PRKN: variants seen among roughly 807,000 people sequenced by gnomAD.
PRKN encodes the protein parkin RBR E3 ubiquitin protein ligase, also known as E3 ubiquitin-protein ligase parkin.
A neutral mutation model predicts 59.5 loss-of-function variants in PRKN; 56 were observed. The observed-to-expected ratio is 0.94, with a 90% CI of 0.76 to 1.18. The LOEUF is 1.18. PRKN is among the 50% of genes most tolerant of loss of function. The pLI, the probability that PRKN is intolerant of heterozygous loss-of-function variation, is 0.00. For missense variants in PRKN, 657 were observed against 596.4 expected (o/e 1.10, Z -1.06); for synonymous variants, 250 against 222.1 (o/e 1.13, Z -1.12).
intron 1 of PRKN, among the ~76,000 whole-genome samples, chr6:162,577,246 T>C (rs966242611): frequency 1.4e-5 from 2 of 144,480 alleles, no homozygotes; most frequent in African/African-American, 4.9e-5. Context: ...TGATCAATAA[T>C]AGGAAAAAAA....
chr6:161,562,487 C>T lies in PRKN; in HGVS notation c.933+6868G>A, dbSNP rs1475595905. ...CCTTTCTTGGCTTCTTCTGAGAATC[C>T]CCATGGGTTTAAAATTTCCTCTACA... is the stretch of plus-strand genomic sequence containing the variant. On this transcript the variant is annotated intron_variant, in intron 8 of 11. Coordinates refer to ENST00000366898, the MANE Select transcript of PRKN (RefSeq NM_004562.3). This position sits in a 1 kb window ranked among gnomAD's most constrained non-coding sequence, Gnocchi z 4.3. Among the ~76,000 whole-genome samples, 1 of 152,152 alleles carries T rather than the reference C, an allele frequency of 6.6e-6. No homozygotes were observed. The highest frequency in any genetic ancestry group is 1.5e-5 in the Non-Finnish European group (1 of 68,016).
At chr6:162,492,095 T>C (rs1792843405) in intron 1 of PRKN, among the ~76,000 whole-genome samples, 1 of 152,160 alleles carries the variant, frequency 6.6e-6, no homozygotes. Context: ...GCCCCAAGTC[T>C]GAAGTTCTTT....
At chr6:161,700,088 C>A (rs1316672727) in intron 7 of PRKN, among the ~76,000 whole-genome samples, 2 of 151,840 alleles carry the variant, frequency 1.3e-5, no homozygotes, top group Non-Finnish European at 2.9e-5. Context: ...CTACTAGATG[C>A]CATCTAGTAG....
chr6:162,258,313 A>T (rs1359278903), intron 3 of PRKN, among the ~76,000 whole-genome samples: 2 of 152,194 alleles, frequency 1.3e-5, no homozygotes, highest in African/African-American at 4.8e-5. Flanking sequence ...CTTGGCACAG[A>T]GTAAGGACTC....
chr6:162,642,920 T>C (rs1778017313), intron 1 of PRKN, among the ~76,000 whole-genome samples: 1 of 152,126 alleles, frequency 6.6e-6, no homozygotes, highest in Admixed American at 6.5e-5. Context: ...ACTGAATTCA[T>C]TGTAAGACAT....
At position 161,869,452 on chromosome 6, in the gene PRKN, G is replaced by T. The variant is rs1175114309; in HGVS notation, c.735-83544C>A. ...TCAACCCATACACATGCTTTTAAGAGCCCTGTGCTATGTTTTGAGCTGATA... is the reference window on the plus strand; with the variant it reads ...TCAACCCATACACATGCTTTTAAGATCCCTGTGCTATGTTTTGAGCTGATA... On this transcript the variant is annotated intron_variant, in intron 6 of 11. Transcript: ENST00000366898. 2.6e-5 allele frequency among the ~76,000 whole-genome samples: 4 copies of T among 152,134 alleles called. No individual in the cohort carries two copies. The South Asian group carries it at 6.2e-4, about 24-fold the overall frequency.
At chr6:161,432,653 A>AT (rs1181199308) in intron 9 of PRKN, among the ~76,000 whole-genome samples, 1 of 150,170 alleles carries the variant, frequency 6.7e-6, no homozygotes, top group East Asian at 2.0e-4. Context: ...AAGTGCTGGG[A>AT]TTACAGACAT....
intron 4 of PRKN, among the ~76,000 whole-genome samples, chr6:162,054,634 G>C (rs1233405404): frequency 6.6e-6 from 1 of 152,202 alleles, no homozygotes; most frequent in Non-Finnish European, 1.5e-5. Context: ...AACTTGGTCT[G>C]CTCTGTTCCC....
intron 5 of PRKN, among the ~76,000 whole-genome samples, chr6:162,022,098 T>C (rs1178778095): frequency 1.3e-5 from 2 of 152,168 alleles, no homozygotes; most frequent in Admixed American, 6.5e-5. Context: ...CAATCTACCA[T>C]TGATGGGCAT....
At chr6:161,743,212 CCTT>C (rs1296474623) in intron 7 of PRKN, among the ~76,000 whole-genome samples, 1 of 105,390 alleles carries the variant, frequency 9.5e-6, no homozygotes, top group African/African-American at 3.3e-5. Flanking sequence ...CTGGTTTCTA[CCTT>C]TTTTTTTTTT....
At chr6:162,552,551 A>T (rs1282853954) in intron 1 of PRKN, among the ~76,000 whole-genome samples, 1 of 152,160 alleles carries the variant, frequency 6.6e-6, no homozygotes, top group Non-Finnish European at 1.5e-5. Context: ...ACTGAGATGG[A>T]GAAGATTCAT....
rs570384873 is a variant in PRKN, at chr6:161,391,208, T to C, written c.1084-4331A>G. On this transcript the variant is annotated intron_variant, in intron 9 of 11. Transcript: ENST00000366898. This position sits in a 1 kb window ranked among gnomAD's most constrained non-coding sequence, Gnocchi z 4.9. ...GCCTGGATCCTTCTTTAACCAACCA[T>C]GTAGAAGGCTGAAATTTACCCAGGG... is the stretch of plus-strand genomic sequence containing the variant. 6.6e-6 allele frequency among the ~76,000 whole-genome samples: 1 copy of C among 152,188 alleles called. No homozygotes were observed. The highest frequency in any genetic ancestry group is 6.5e-5 in the Admixed American group (1 of 15,290).
intron 1 of PRKN, among the ~76,000 whole-genome samples, chr6:162,726,146 C>A (rs1779169620): frequency 6.6e-6 from 1 of 152,142 alleles, no homozygotes; most frequent in Non-Finnish European, 1.5e-5. Context: ...TAGGTCATAA[C>A]TTATAACTGA....
intron 7 of PRKN, among the ~76,000 whole-genome samples, chr6:161,650,268 G>C (rs1322278557): frequency 6.6e-6 from 1 of 152,138 alleles, no homozygotes; most frequent in Non-Finnish European, 1.5e-5. Flanking sequence ...TTTGTACAGG[G>C]AGAGAGAATT....
intron 6 of PRKN, among the ~76,000 whole-genome samples, chr6:161,896,733 A>G (rs774856742): frequency 1.3e-5 from 2 of 152,138 alleles, no homozygotes; most frequent in Non-Finnish European, 2.9e-5. Flanking sequence ...GGCCTTTTCC[A>G]ATATTATACT....
intron 4 of PRKN, among the ~76,000 whole-genome samples, chr6:162,055,998 CACGCACACAGGCAT>C (rs1777844857): frequency 2.6e-5 from 1 of 38,108 alleles, no homozygotes; most frequent in Non-Finnish European, 8.9e-5. Flanking sequence ...CTCAGGCATG[CACGCACACAGGCAT>C]GCACGCACAC....
chr6:161,417,880 C>T lies in PRKN; in HGVS notation c.1084-31003G>A, dbSNP rs148068059. On this transcript the variant is annotated intron_variant, in intron 9 of 11. Transcript: ENST00000366898. This position sits in a 1 kb window ranked among gnomAD's most constrained non-coding sequence, Gnocchi z 5.4. ...AGCTGGGGGAATGTAGACAGACCTC[C>T]TACTTTCCACTCCAAACCTAGACGC... Among the ~76,000 whole-genome samples, 26 of 152,292 alleles carry T rather than the reference C, an allele frequency of 1.7e-4. No homozygotes were observed. Among genetic ancestry groups the T allele is most frequent in the Non-Finnish European group, 3.2e-4 (22 of 67,994 alleles).
chr6:162,020,703 A>AT (rs1055682362), intron 5 of PRKN, among the ~76,000 whole-genome samples: 6 of 152,082 alleles, frequency 3.9e-5, no homozygotes, highest in African/African-American at 1.4e-4. Context: ...TCAGAAATTG[A>AT]TTTTTTTCTC....
rs6907445 is a variant in PRKN at position 161,420,383 on chromosome 6, G to A, written c.1084-33506C>T. ...TTAGTCTTAAGCAGTTTTCAAAGGT[G>A]CAAGGGCTGGAGTGGCCTCAGTTTA... On this transcript the variant is annotated intron_variant, in intron 9 of 11. Transcript: ENST00000366898. Among the ~76,000 whole-genome samples, 567 of 152,296 alleles carry A rather than the reference G, an allele frequency of 3.7e-3. 11 individuals are homozygous for A. The highest frequency in any genetic ancestry group is 0.013 in the African/African-American group (538 of 41,552).
Sources: allele counts gnomAD v4.1 joint callset (sites outside exome capture counted in the v4.1 genomes callset), GRCh38; gene constraint gnomAD v4.1.1; non-coding constraint Gnocchi (gnomAD v3.1); transcripts MANE v1.5; gene names NCBI Gene and HGNC (gene_info 2026-07-23, HGNC 2026-07-21).